The following CCND3 variants were observed in gnomAD, a reference collection of about 807,000 sequenced individuals.
The protein encoded by CCND3 is cyclin D3.
A neutral mutation model predicts 28.7 loss-of-function variants in CCND3; 9 were observed. The observed-to-expected ratio is 0.31, with a 90% CI of 0.19 to 0.55. The LOEUF is 0.55. Among genes scored for constraint, CCND3 ranks in the 20% least tolerant of loss-of-function variants. CCND3 has a pLI of 0.93. For synonymous variants in CCND3, 164 were observed against 163.9 expected (o/e 1.00, Z 0.00); for missense variants, 315 against 385.8 (o/e 0.82, Z 1.54).
chr6:41,940,728 G>T, intron 1 of CCND3, 143 bp from the exon 2 acceptor site: 1 of 748,516 alleles, frequency 1.3e-6, no homozygotes. Flanking sequence ...ACCAATAAAG[G>T]AGGAGGATGC....
At position 41,941,741 on chromosome 6, in the gene CCND3, T is replaced by A; in HGVS notation, c.-92A>T. 3 of 956,920 alleles carry A rather than the reference T, an allele frequency of 3.1e-6. No individual in the cohort carries two copies. The highest frequency in any genetic ancestry group is 4.1e-6 in the Non-Finnish European group (3 of 730,400). The allele number at this position is 956,920 out of a possible 1,614,324, so 59.3% of individuals were successfully genotyped here. On this transcript the variant is annotated 5_prime_UTR_variant, in exon 1 of 5. Coordinates refer to ENST00000372991, the MANE Select transcript of CCND3 (RefSeq NM_001760.5). The surrounding 1 kb of genome is among the most constrained non-coding windows in gnomAD (Gnocchi z 6.1). ...AGAGCGCGGGGCGCGGGTCTGGCGC[T>A]GGCGCTGGCACTGCGCGGCGGATCC...
chr6:42,007,638 G>A (rs1385013454), intron 1 of CCND3, among the ~76,000 whole-genome samples: 1 of 152,124 alleles, frequency 6.6e-6, no homozygotes, highest in Admixed American at 6.6e-5. Context: ...ATACATAGGC[G>A]GGCTTATAAA....
chr6:42,027,173 C>T (rs1451481381), intron 1 of CCND3, among the ~76,000 whole-genome samples: 2 of 152,186 alleles, frequency 1.3e-5, no homozygotes, highest in Non-Finnish European at 2.9e-5. Context: ...GGCGCGGTGG[C>T]TCATGCCTGT....
chr6:41,946,080 G>T (rs1486910178), upstream of CCND3, among the ~76,000 whole-genome samples: 1 of 152,112 alleles, frequency 6.6e-6, no homozygotes, highest in Non-Finnish European at 1.5e-5. Context: ...AGGGCCTGGA[G>T]CCACACCCCT....
Position 41,941,747 on chromosome 6 carries a change from T to C in CCND3, c.-98A>G, listed in dbSNP as rs1022962722. ...CGGGGCGCGGGTCTGGCGCTGGCGC[T>C]GGCACTGCGCGGCGGATCCCCAGCC... On this transcript the variant is annotated 5_prime_UTR_variant, in exon 1 of 5. Transcript: ENST00000372991. The surrounding 1 kb of genome is among the most constrained non-coding windows in gnomAD (Gnocchi z 6.1). The C allele has an allele frequency of 4.7e-6, 4 of 859,552 alleles. No individual in the cohort carries two copies. The highest frequency in any genetic ancestry group is 4.6e-6 in the Non-Finnish European group (3 of 650,552). 53.2% of individuals were successfully genotyped at this position (859,552 alleles called of 1,614,324 possible).
At chr6:41,950,745 G>T (rs1004800826) in intron 1 of CCND3, among the ~76,000 whole-genome samples, 1 of 137,876 alleles carries the variant, frequency 7.3e-6, no homozygotes, top group Admixed American at 8.1e-5. Context: ...GTCTCTCTCT[G>T]TCACCCAGGC....
At chr6:42,038,095 T>C (rs1764279132) in intron 1 of CCND3, among the ~76,000 whole-genome samples, 1 of 151,720 alleles carries the variant, frequency 6.6e-6, no homozygotes, top group Admixed American at 6.6e-5. Flanking sequence ...AAAGTGGTCC[T>C]GAGATCAGAA....
intron 2 of CCND3, 37 bp downstream of exon 2, chr6:41,940,333 C>CA: frequency 6.5e-7 from 1 of 1,532,602 alleles, no homozygotes; most frequent in Non-Finnish European, 9.0e-7. Context: ...AGTGGGGAGA[C>CA]AATACGTGTC....
intron 1 of CCND3, among the ~76,000 whole-genome samples, chr6:42,041,371 C>T (rs1045853323): frequency 1.2e-4 from 18 of 152,208 alleles, no homozygotes; most frequent in African/African-American, 4.1e-4. Context: ...ATGGGAGTTC[C>T]CCCAGGACCA....
At chr6:42,020,773 C>T (rs540692356) in intron 1 of CCND3, among the ~76,000 whole-genome samples, 15 of 152,256 alleles carry the variant, frequency 9.9e-5, no homozygotes, top group Admixed American at 2.0e-4. Flanking sequence ...TTTATTGAGA[C>T]GGAGTTTCGC....
intron 1 of CCND3, among the ~76,000 whole-genome samples, chr6:42,028,781 A>G (rs889710874): frequency 3.9e-5 from 6 of 152,198 alleles, no homozygotes; most frequent in African/African-American, 1.4e-4. Context: ...TGTTGAGAAG[A>G]AGGAATGAGA....
In CCND3 at chr6:41,937,846, A is replaced by G. The variant is rs3218096; in HGVS notation, c.415-452T>C. On this transcript the variant is annotated intron_variant, in intron 2 of 4. Coordinates refer to ENST00000372991, the MANE Select transcript of CCND3 (RefSeq NM_001760.5). ...ATTTGTGAAAGGGGAGATCACCACTAGCTTCCCCTGCAACTCTGCATCCCA... is the reference window on the plus strand; with the variant it reads ...ATTTGTGAAAGGGGAGATCACCACTGGCTTCCCCTGCAACTCTGCATCCCA... The G allele has an allele frequency of 6.7e-3, 1,163 of 174,800 alleles. 32 individuals carry two copies. Among genetic ancestry groups the G allele is most frequent in the East Asian group, 0.054 (351 of 6,540 alleles). 10.8% of individuals were successfully genotyped at this position (174,800 alleles called of 1,614,324 possible).
At position 41,935,383 on chromosome 6, in the gene CCND3, A is replaced by T; in HGVS notation, c.*557T>A. The T allele has an allele frequency of 4.2e-6, 1 of 239,600 alleles. No homozygotes were observed. The highest frequency in any genetic ancestry group is 6.0e-5 in the East Asian group (1 of 16,696). 14.8% of individuals were successfully genotyped at this position (239,600 alleles called of 1,614,324 possible). A position where few individuals can be genotyped will look rare whatever the true frequency, so the allele number is the denominator to read the frequency against. ...GAAAGCAAAGCAAAGAGGAATTTAT[A>T]GCTTCTCTGGCTGAGGCCTAGGCCC... On this transcript the variant is annotated 3_prime_UTR_variant, in exon 5 of 5. Coordinates refer to ENST00000372991, the MANE Select transcript of CCND3 (RefSeq NM_001760.5).
chr6:42,040,799 C>T (rs574134723), intron 1 of CCND3, among the ~76,000 whole-genome samples: 13 of 146,684 alleles, frequency 8.9e-5, no homozygotes, highest in African/African-American at 3.3e-4. Flanking sequence ...TGCAGTGAGC[C>T]GAGATCGTGC....
rs955654500 is a variant in CCND3 at position 41,935,768 on chromosome 6, C to T, written c.*172G>A. 6 of 614,266 alleles carry T rather than the reference C, an allele frequency of 9.8e-6. No homozygotes were observed. Among genetic ancestry groups the T allele is most frequent in the Non-Finnish European group, 1.4e-5 (5 of 351,024 alleles). The allele number at this position is 614,266 out of a possible 1,614,324, so 38.1% of individuals were successfully genotyped here. On this transcript the variant is annotated 3_prime_UTR_variant, in exon 5 of 5. Coordinates refer to ENST00000372991, the MANE Select transcript of CCND3 (RefSeq NM_001760.5). ...CCACCGAAATGCAGACATGGCTGGC[C>T]GGGCCCCTTAGTGCACACTGCGGGG...
chr6:42,036,603 C>T (rs1311600270), intron 1 of CCND3, among the ~76,000 whole-genome samples: 1 of 150,300 alleles, frequency 6.7e-6, no homozygotes, highest in African/African-American at 2.5e-5. Flanking sequence ...AAAATTTTGC[C>T]ATGTTGTCTA....
chr6:42,037,432 TCAA>T (rs1764252971), intron 1 of CCND3, among the ~76,000 whole-genome samples: 1 of 150,910 alleles, frequency 6.6e-6, no homozygotes, highest in African/African-American at 2.4e-5. Context: ...GAGACGGTTT[TCAA>T]CATATTGGCC....
At position 41,990,923 on chromosome 6, in the gene CCND3, C is replaced by T. The variant is rs1415754788; in HGVS notation, c.-45-50338G>A. Among the ~76,000 whole-genome samples the T allele has an allele frequency of 2.0e-5, 3 of 151,830 alleles. No individual in the cohort carries two copies. The East Asian group carries it at 5.8e-4, about 29-fold the overall frequency. On this transcript the variant is annotated intron_variant, in intron 1 of 4. Coordinates refer to the CCND3 transcript ENST00000372988. ...TTTGAACCCCTGACCTAAGGTGATC[C>T]GCCCACCTCAGCCGCCCAAAGTGCT...
At chr6:42,049,812 C>T (rs188898350), upstream of CCND3, 4 of 152,338 alleles carry the variant, frequency 2.6e-5, no homozygotes, top group East Asian at 5.8e-4. Context: ...CAACATTACT[C>T]GCTCAGAAGA....
Sources: allele counts gnomAD v4.1 joint callset (sites outside exome capture counted in the v4.1 genomes callset), GRCh38; gene constraint gnomAD v4.1.1; non-coding constraint Gnocchi (gnomAD v3.1); transcripts MANE v1.5; gene names NCBI Gene and HGNC (gene_info 2026-07-23, HGNC 2026-07-21).